Variants in XKR9 observed in about 807,000 individuals in gnomAD.
XKR9 encodes XK-related protein 9.
A neutral mutation model predicts 32.0 loss-of-function variants in XKR9; 32 were observed. The observed-to-expected ratio is 1.00, with a 90% CI of 0.76 to 1.34. The LOEUF (loss-of-function observed/expected upper bound fraction) is 1.34, where lower values mean the gene tolerates loss of function less well. Among genes scored for constraint, XKR9 ranks in the 40% most tolerant of loss-of-function variants. The probability of loss-of-function intolerance (pLI) is 0.00; values close to 1 mark genes in which losing one functional copy is unlikely to be tolerated. For synonymous variants in XKR9, 168 were observed against 143.4 expected (o/e 1.17, Z -1.22); for missense variants, 546 against 429.7 (o/e 1.27, Z -2.39).
At chr8:70,732,185 C>T (rs1484703330) in intron 4 of XKR9, among the ~76,000 whole-genome samples, 2 of 152,192 alleles carry the variant, frequency 1.3e-5, no homozygotes, top group Non-Finnish European at 2.9e-5. Flanking sequence ...TGTGGACAGA[C>T]ACCCCATCAT....
chr8:71,003,731 AAG>A, the XKR9 span, among the ~76,000 whole-genome samples: 1 of 152,220 alleles, frequency 6.6e-6, no homozygotes, highest in South Asian at 2.1e-4. Context: ...GGCAACCAGA[AAG>A]AACAAAGTTA....
chr8:70,909,017 T>C, the XKR9 span, among the ~76,000 whole-genome samples: 9 of 152,314 alleles, frequency 5.9e-5, no homozygotes, highest in South Asian at 4.1e-4. Context: ...AATATTTTTT[T>C]ATTTCCAAAT....
chr8:70,888,570 A>G, the XKR9 span, among the ~76,000 whole-genome samples: 2 of 151,868 alleles, frequency 1.3e-5, no homozygotes, highest in African/African-American at 4.8e-5. Context: ...TTCTTCTACT[A>G]TTTTTATAGT....
At chr8:71,033,685 CT>C in the XKR9 span, among the ~76,000 whole-genome samples, 1 of 152,056 alleles carries the variant, frequency 6.6e-6, no homozygotes, top group Non-Finnish European at 1.5e-5. Context: ...TAGAAAGAGT[CT>C]GACTTCATCA....
At chr8:70,849,985 C>CAAAA in the XKR9 span, among the ~76,000 whole-genome samples, 2 of 144,446 alleles carry the variant, frequency 1.4e-5, no homozygotes, top group Non-Finnish European at 3.0e-5. Context: ...AATAGCCTGC[C>CAAAA]AAAAAAAAAA....
At chr8:70,704,664 G>A (rs541612917) in intron 3 of XKR9, among the ~76,000 whole-genome samples, 1 of 152,262 alleles carries the variant, frequency 6.6e-6, no homozygotes, top group East Asian at 1.9e-4. Flanking sequence ...TTTCTGCTGT[G>A]TGTAATAATT....
intron 2 of XKR9, among the ~76,000 whole-genome samples, chr8:70,742,242 C>G (rs1268745465): frequency 6.6e-6 from 1 of 152,198 alleles, no homozygotes; most frequent in Non-Finnish European, 1.5e-5. Context: ...TTATGCTACT[C>G]TTTGAGAAAG....
At chr8:70,895,579 A>G in the XKR9 span, among the ~76,000 whole-genome samples, 2 of 152,176 alleles carry the variant, frequency 1.3e-5, no homozygotes, top group Admixed American at 1.3e-4. Context: ...GCTGAAAAAG[A>G]TATCCTTTTC....
intron 2 of XKR9, among the ~76,000 whole-genome samples, chr8:70,770,188 C>G (rs1807435366): frequency 6.6e-6 from 1 of 152,194 alleles, no homozygotes. Context: ...TTCCTCCTAA[C>G]AATCAGTCCC....
At chr8:70,811,138 AC>A in the XKR9 span, among the ~76,000 whole-genome samples, 33 of 152,322 alleles carry the variant, frequency 2.2e-4, no homozygotes, top group African/African-American at 7.5e-4. Flanking sequence ...TAAGAAACTC[AC>A]TCAAAACCGC....
At position 70,754,219 on chromosome 8, in the gene XKR9, A is replaced by C. The variant is rs920139376; in HGVS notation, n.353-35120A>C. 3.6e-4 allele frequency among the ~76,000 whole-genome samples: 53 copies of C among 148,258 alleles called. 1 individual carries two copies. The highest frequency in any genetic ancestry group is 1.2e-3 in the African/African-American group (48 of 41,290). ...AATCAACTTACAAGGGATGTGAAGG[A>C]TCTCTTCAAGGAGAGCTACAGACCA... On this transcript the variant is annotated intron_variant and non_coding_transcript_variant, in intron 2 of 3. Transcript: ENST00000520273.
chr8:71,035,776 G>A, the XKR9 span, among the ~76,000 whole-genome samples: 2 of 152,114 alleles, frequency 1.3e-5, no homozygotes, highest in African/African-American at 4.8e-5. Flanking sequence ...GCAGAAGCAG[G>A]AAGATCTCTC....
At chr8:70,877,078 T>G in the XKR9 span, among the ~76,000 whole-genome samples, 1 of 152,146 alleles carries the variant, frequency 6.6e-6, no homozygotes, top group Admixed American at 6.6e-5. Flanking sequence ...TGGGGAGGCC[T>G]CAGGAAACTT....
At chr8:70,976,909 C>G in the XKR9 span, among the ~76,000 whole-genome samples, 1 of 152,086 alleles carries the variant, frequency 6.6e-6, no homozygotes, top group African/African-American at 2.4e-5. Flanking sequence ...TGTTATTGGT[C>G]TATTCAGGGA....
the XKR9 span, among the ~76,000 whole-genome samples, chr8:71,051,513 C>T: frequency 3.3e-5 from 4 of 122,526 alleles, no homozygotes; most frequent in Admixed American, 8.3e-5. Context: ...TTGCTGGTGG[C>T]GGTGGTGGTG....
chr8:70,976,647 A>T, the XKR9 span, among the ~76,000 whole-genome samples: 11 of 152,212 alleles, frequency 7.2e-5, no homozygotes, highest in Non-Finnish European at 1.2e-4. Context: ...TTTTCACATC[A>T]ATGTTCAACA....
At chr8:70,899,994 C>T in the XKR9 span, among the ~76,000 whole-genome samples, 3 of 152,056 alleles carry the variant, frequency 2.0e-5, no homozygotes, top group South Asian at 2.1e-4. Flanking sequence ...TAAAAATGTA[C>T]ACTTCTATGA....
chr8:71,061,261 C>G, the XKR9 span, among the ~76,000 whole-genome samples: 48 of 152,260 alleles, frequency 3.2e-4, no homozygotes, highest in South Asian at 1.9e-3. Context: ...GGCTCTCCAT[C>G]TTTATTCCCA....
the XKR9 span, among the ~76,000 whole-genome samples, chr8:70,957,917 G>A: frequency 1.9e-4 from 29 of 150,654 alleles, no homozygotes; most frequent in East Asian, 4.7e-3. Flanking sequence ...CTTACTGAGT[G>A]GCTGGAACTA....
Sources: allele counts gnomAD v4.1 joint callset (sites outside exome capture counted in the v4.1 genomes callset), GRCh38; gene constraint gnomAD v4.1.1; transcripts MANE v1.5; gene names NCBI Gene and HGNC (gene_info 2026-07-23, HGNC 2026-07-21).